ASAP2: variants seen among roughly 807,000 people sequenced by gnomAD.
ASAP2 encodes the protein ArfGAP with SH3 domain, ankyrin repeat and PH domain 2.
Under a neutral mutation model 131.4 loss-of-function variants are expected in ASAP2, and 45 were observed. The ratio of observed to expected loss-of-function variants is 0.34; its 90% CI spans 0.27 to 0.44. The LOEUF (loss-of-function observed/expected upper bound fraction) is 0.44. Among genes scored for constraint, ASAP2 ranks in the 20% least tolerant of loss-of-function variants. The pLI is 1.00. For missense variants in ASAP2, 1,011 were observed against 1,297.0 expected, an observed-to-expected ratio of 0.78 and a Z score of 3.39; for synonymous variants, 510 against 503.0, an observed-to-expected ratio of 1.01 and a Z score of -0.19.
At chr2:9,295,530 T>C (rs1668097345) in intron 2 of ASAP2, among the ~76,000 whole-genome samples, 1 of 152,244 alleles carries the variant, frequency 6.6e-6, no homozygotes, top group African/African-American at 2.4e-5. Context: ...TTTTATCCTT[T>C]ATGTAGCTGA....
At chr2:9,271,275 C>T (rs912252821) in intron 1 of ASAP2, 6 of 761,738 alleles carry the variant, frequency 7.9e-6, no homozygotes, top group Non-Finnish European at 1.2e-5. Context: ...CTACAGTGAG[C>T]CACAAGCATT....
At chr2:9,275,082 GTT>G (rs753527243) in intron 1 of ASAP2, among the ~76,000 whole-genome samples, 12 of 128,810 alleles carry the variant, frequency 9.3e-5, no homozygotes, top group Non-Finnish European at 1.3e-4. Context: ...TCATTTGTCT[GTT>G]TTTTTTTTTT....
At chr2:9,323,839 G>T (rs1242112012) in intron 6 of ASAP2, among the ~76,000 whole-genome samples, 4 of 152,216 alleles carry the variant, frequency 2.6e-5, no homozygotes, top group Non-Finnish European at 4.4e-5. Context: ...GGAGACAGCA[G>T]GATGGACACT....
chr2:9,293,638 C>T (rs57795045), intron 2 of ASAP2, among the ~76,000 whole-genome samples: 5,109 of 152,172 alleles, frequency 0.034, 314 homozygotes, highest in African/African-American at 0.12. Flanking sequence ...GGGTGATCTG[C>T]AGCAGTGGGT....
At chr2:9,291,370 TC>T (rs1667796658) in intron 2 of ASAP2, among the ~76,000 whole-genome samples, 1 of 152,218 alleles carries the variant, frequency 6.6e-6, no homozygotes, top group East Asian at 1.9e-4. Flanking sequence ...TCACGAGATG[TC>T]CACTAAGTAG....
At chr2:9,319,210 T>C (rs1669996911) in intron 4 of ASAP2, among the ~76,000 whole-genome samples, 1 of 152,166 alleles carries the variant, frequency 6.6e-6, no homozygotes. Context: ...GGCAGCGCGC[T>C]GCCCCTGCGC....
chr2:9,283,998 A>G (rs1667302327), intron 2 of ASAP2, among the ~76,000 whole-genome samples: 3 of 152,232 alleles, frequency 2.0e-5, no homozygotes, highest in Admixed American at 1.3e-4. Flanking sequence ...TCAGTCCCAT[A>G]GCAAACACTG....
rs1457572674 is a variant in ASAP2 at position 9,389,758 on chromosome 2, CACAGCCCACATCCCAG to C, written c.2383+1215_2383+1230del. ...AGAAGCCAGCTGCTTGCTGTCCCCA[CACAGCCCACATCCCAG>C]ACCGCGTCCATCCCTGGCTTGATGA... On this transcript the variant is annotated intron_variant, in intron 22 of 27. Transcript: ENST00000281419. This position sits in a 1 kb window ranked among gnomAD's most constrained non-coding sequence, Gnocchi z 4.7. Among the ~76,000 whole-genome samples the C allele has an allele frequency of 6.6e-6, 1 of 152,218 alleles. No individual in the cohort carries two copies. Among genetic ancestry groups the C allele is most frequent in the African/African-American group, 2.4e-5 (1 of 41,450 alleles).
intron 1 of ASAP2, among the ~76,000 whole-genome samples, chr2:9,257,311 G>A (rs1665237198): frequency 6.6e-6 from 1 of 152,212 alleles, no homozygotes; most frequent in Non-Finnish European, 1.5e-5. Flanking sequence ...TTTTATAGTA[G>A]TCTCAAACAG....
At chr2:9,279,490 A>T in intron 2 of ASAP2, 101 bp downstream of exon 2, 1 of 1,085,412 alleles carries the variant, frequency 9.2e-7, no homozygotes. Context: ...AGCCAGCTAG[A>T]CTCCTTTATC....
chr2:9,401,411 G>A lies in ASAP2; in HGVS notation c.2946+15G>A, dbSNP rs1676657312. On this transcript the variant is annotated intron_variant, in intron 27 of 27. Transcript: ENST00000281419. ...AGGAGTGGTGGGTGAGTCAAGGGTGGGCCTGGGAGGTTCCTGGGGGCTGAG... is the reference window on the plus strand; with the variant it reads ...AGGAGTGGTGGGTGAGTCAAGGGTGAGCCTGGGAGGTTCCTGGGGGCTGAG... The A allele has an allele frequency of 6.2e-7, 1 of 1,612,084 alleles. No individual in the cohort carries two copies. The highest frequency in any genetic ancestry group is 1.7e-5 in the Admixed American group (1 of 59,872).
rs373522266 is a variant in ASAP2, at chr2:9,297,387, G to A, written c.287G>A (p.Ser96Asn). The A allele has an allele frequency of 1.9e-6, 3 of 1,614,058 alleles. No homozygotes were observed. Among genetic ancestry groups the A allele is most frequent in the South Asian group, 1.1e-5 (1 of 91,082 alleles). ...TGCAGAGATGACCCAGATTTAGGAA[G>A]TGCGTTCCTGAAGTTCTCAGTGTTT... Reference protein sequence around the residue: ...CVCRDDPDLGSAFLKFSVFTK... With the variant: ...CVCRDDPDLGNAFLKFSVFTK... The change falls in exon 3 of 28, where the codon AGT (serine) becomes AAT (asparagine). Residue 96 changes from serine to asparagine, a missense_variant. Ser to Asn is a conservative substitution (Grantham distance 46). Around this residue, in one of 2 missense-constraint regions of ASAP2, gnomAD observed 359 missense variants for 598.1 expected, o/e 0.60. Transcript: ENST00000281419.
chr2:9,400,191 C>G, intron 25 of ASAP2, 119 bp downstream of exon 25: 1 of 1,033,514 alleles, frequency 9.7e-7, no homozygotes, highest in Admixed American at 2.1e-5. Context: ...CATTCCACAG[C>G]CCTCCTGCCC....
chr2:9,369,030 T>C (rs9677219), intron 16 of ASAP2, among the ~76,000 whole-genome samples: 40,125 of 151,482 alleles, frequency 0.26, 5,545 homozygotes, highest in Middle Eastern at 0.32. Flanking sequence ...TTTTTTTTTT[T>C]TCTGGGAGAC....
rs1553328862 is a variant in ASAP2, at chr2:9,387,075, G to GGT, written c.2131-1218_2131-1217insTG. 1.0e-3 allele frequency among the ~76,000 whole-genome samples: 103 copies of GGT among 99,732 alleles called. 2 individuals are homozygous for GGT. The highest frequency in any genetic ancestry group is 8.5e-3 in the African/African-American group (99 of 11,606). 65.4% of individuals were successfully genotyped at this position (99,732 alleles called of 152,430 possible). On this transcript the variant is annotated intron_variant, in intron 21 of 27. Transcript: ENST00000281419. ...AAAAAAATTAGCCGGGCTTGGTGGT[G>GGT]GGTGGGGGGGCGCCTGTAGTCCCAG...
At chr2:9,309,376 G>A (rs1669149299) in intron 3 of ASAP2, among the ~76,000 whole-genome samples, 2 of 152,220 alleles carry the variant, frequency 1.3e-5, no homozygotes, top group Non-Finnish European at 2.9e-5. Flanking sequence ...CAAGAAGCCA[G>A]ATGAAAAGGC....
Position 9,207,115 on chromosome 2 carries a change from A to G in ASAP2, c.11A>G (p.Gln4Arg). ...CCTCGCGCCGAGGCGATGCCGGACC[A>G]GATCTCCGTGTCGGAATTCGTGGCC... MPD[Q>R]ISVSEFVAET... The change falls in exon 1 of 28, where the codon CAG (glutamine) becomes CGG (arginine). Residue 4 changes from glutamine (Q) to arginine (R), a missense_variant. Gln to Arg is a conservative substitution (Grantham distance 43). Transcript: ENST00000281419. This position sits in a 1 kb window ranked among gnomAD's most constrained non-coding sequence, Gnocchi z 4.1. 1.3e-6 allele frequency: 2 copies of G among 1,594,012 alleles called. No homozygotes were observed. Among genetic ancestry groups the G allele is most frequent in the Non-Finnish European group, 8.5e-7 (1 of 1,171,326 alleles).
intron 6 of ASAP2, among the ~76,000 whole-genome samples, chr2:9,324,347 C>A (rs1670349329): frequency 6.6e-6 from 1 of 152,154 alleles, no homozygotes; most frequent in South Asian, 2.1e-4. Flanking sequence ...AAGTTAAGTC[C>A]ATTTTGTCTA....
At chr2:9,398,355 T>C (rs180804116) in intron 24 of ASAP2, among the ~76,000 whole-genome samples, 2 of 150,866 alleles carry the variant, frequency 1.3e-5, no homozygotes, top group South Asian at 2.1e-4. Flanking sequence ...ACAAAAAATT[T>C]TGAAAGTTAG....
Sources: allele counts gnomAD v4.1 joint callset (sites outside exome capture counted in the v4.1 genomes callset), GRCh38; gene constraint gnomAD v4.1.1; regional missense constraint gnomAD v4.1.1; non-coding constraint Gnocchi (gnomAD v3.1); transcripts MANE v1.5; gene names NCBI Gene and HGNC (gene_info 2026-07-23, HGNC 2026-07-21).